The following PAH variants were observed in gnomAD, a reference collection of about 807,000 sequenced individuals.
PAH encodes phenylalanine hydroxylase.
Under a neutral mutation model 62.0 loss-of-function variants are expected in PAH, and 64 were observed. The observed-to-expected ratio is 1.03, with a 90% CI of 0.84 to 1.27. The LOEUF (loss-of-function observed/expected upper bound fraction) is 1.27. Among genes scored for constraint, PAH ranks in the 50% most tolerant of loss-of-function variants. The pLI is 0.00. For missense variants in PAH, 579 were observed against 542.8 expected, an observed-to-expected ratio of 1.07 and a Z score of -0.66; for synonymous variants, 195 against 196.2, an observed-to-expected ratio of 0.99 and a Z score of 0.05.
At chr12:102,930,572 A>T (rs1024469467) in intron 1 of PAH, among the ~76,000 whole-genome samples, 1 of 152,144 alleles carries the variant, frequency 6.6e-6, no homozygotes, top group Non-Finnish European at 1.5e-5. Context: ...TTTTGCACTG[A>T]CTTTTATAAG....
chr12:102,849,186 T>C (rs2136642260), intron 8 of PAH, among the ~76,000 whole-genome samples: 1 of 152,228 alleles, frequency 6.6e-6, no homozygotes, highest in African/African-American at 2.4e-5. Context: ...TTCTGAAAGA[T>C]TGGCTGTGGG....
At chr12:102,955,058 C>T (rs369808904), upstream of PAH, among the ~76,000 whole-genome samples, 17 of 152,156 alleles carry the variant, frequency 1.1e-4, no homozygotes, top group Non-Finnish European at 2.2e-4. Context: ...AATGTTCTGG[C>T]GGTTTTGGCC....
intron 2 of PAH, among the ~76,000 whole-genome samples, chr12:102,898,604 T>G (rs956638311): frequency 2.0e-5 from 3 of 152,244 alleles, no homozygotes; most frequent in Non-Finnish European, 4.4e-5. Context: ...CTTTTCATAC[T>G]TAAGTAACAC....
chr12:102,931,130 C>G (rs1300735675), intron 1 of PAH, among the ~76,000 whole-genome samples: 1 of 152,066 alleles, frequency 6.6e-6, no homozygotes, highest in African/African-American at 2.4e-5. Flanking sequence ...ATTTTGCCAG[C>G]CTTCAATAAG....
chr12:102,868,307 C>T (rs1316671103), intron 4 of PAH, among the ~76,000 whole-genome samples: 3 of 150,672 alleles, frequency 2.0e-5, no homozygotes, highest in African/African-American at 7.3e-5. Context: ...GAAAAAACTA[C>T]AGACACTTGT....
chr12:102,904,739 A>G (rs1522307), intron 2 of PAH: 189,645 of 505,486 alleles, frequency 0.38, 40,214 homozygotes, highest in African/African-American at 0.69. Context: ...TAAAGGTCTC[A>G]TCCGTATTTT....
chr12:102,949,382 T>C (rs1320220954), intron 1 of PAH, among the ~76,000 whole-genome samples: 1 of 152,178 alleles, frequency 6.6e-6, no homozygotes, highest in Non-Finnish European at 1.5e-5. Flanking sequence ...AGTTCGTCTA[T>C]TCAAAGAGAG....
chr12:102,906,130 T>C (rs1422810068), intron 2 of PAH, among the ~76,000 whole-genome samples: 1 of 152,202 alleles, frequency 6.6e-6, no homozygotes, highest in East Asian at 1.9e-4. Context: ...ATCTCACTAA[T>C]AGTCAGAAAA....
chr12:102,938,491 G>A, intron 1 of PAH, among the ~76,000 whole-genome samples: 1 of 152,108 alleles, frequency 6.6e-6, no homozygotes, highest in South Asian at 2.1e-4. Flanking sequence ...CCCAGGATAG[G>A]GTTTGTGTCC....
Position 102,837,447 on chromosome 12 carries a change from G to A in PAH, c.*1728C>T, listed in dbSNP as rs1387506472. On this transcript the variant is annotated 3_prime_UTR_variant, in exon 13 of 13. Transcript: ENST00000553106. ...AATCCCTTTGCAGGGATTGTTTGGT[G>A]TTTAGAGTAAAAGCAGAGAAAAAAG... 2.0e-5 allele frequency: 3 copies of A among 152,242 alleles called. No homozygotes were observed. The East Asian group carries it at 5.8e-4, about 29-fold the overall frequency. The allele number at this position is 152,242 out of a possible 1,614,324, so 9.4% of individuals were successfully genotyped here. A position where few individuals can be genotyped will look rare whatever the true frequency, so the allele number is the denominator to read the frequency against.
chr12:102,876,200 C>T (rs1460467593), intron 4 of PAH, among the ~76,000 whole-genome samples: 1 of 152,064 alleles, frequency 6.6e-6, no homozygotes, highest in African/African-American at 2.4e-5. Flanking sequence ...CCTCATGCCC[C>T]TCTGTGTTTT....
chr12:102,939,347 T>G (rs1879213496), intron 1 of PAH, among the ~76,000 whole-genome samples: 1 of 152,080 alleles, frequency 6.6e-6, no homozygotes, highest in Non-Finnish European at 1.5e-5. Context: ...GGCCAGACTG[T>G]CTTCCCCCAG....
chr12:102,940,727 G>A (rs114005259), intron 1 of PAH, among the ~76,000 whole-genome samples: 2 of 152,192 alleles, frequency 1.3e-5, no homozygotes, highest in East Asian at 1.9e-4. Flanking sequence ...GGAAGAGAGA[G>A]CAAGCAACTT....
At chr12:102,888,405 G>A (rs1877127328) in intron 3 of PAH, among the ~76,000 whole-genome samples, 1 of 151,788 alleles carries the variant, frequency 6.6e-6, no homozygotes, top group African/African-American at 2.4e-5. Flanking sequence ...TTGTTGCAAA[G>A]CTTAAATGAG....
intron 4 of PAH, among the ~76,000 whole-genome samples, chr12:102,871,957 T>A (rs1445467688): frequency 0.15 from 4,866 of 31,820 alleles, 142 homozygotes; most frequent in Middle Eastern, 0.2. Flanking sequence ...AAAATATATA[T>A]ATATATATAT....
At chr12:102,854,957 G>A in intron 6 of PAH, 179 bp downstream of exon 6, 1 of 683,154 alleles carries the variant, frequency 1.5e-6, no homozygotes, top group South Asian at 1.6e-5. Flanking sequence ...CACAGTAGGG[G>A]CTGGAGGGAA....
exon 1 of PAH, chr12:102,958,223 G>T (rs2136784810): frequency 6.9e-7 from 1 of 1,457,716 alleles, no homozygotes. Flanking sequence ...CTGATTCCGC[G>T]ACTCCTTGGC....
At chr12:102,896,999 T>G (rs148459347) in intron 2 of PAH, among the ~76,000 whole-genome samples, 66 of 152,330 alleles carry the variant, frequency 4.3e-4, no homozygotes, top group African/African-American at 1.6e-3. Context: ...ACCCTAGTGA[T>G]GGGTATGTTG....
chr12:102,947,747 G>A (rs1280037214), intron 1 of PAH, among the ~76,000 whole-genome samples: 2 of 152,066 alleles, frequency 1.3e-5, no homozygotes, highest in Non-Finnish European at 2.9e-5. Flanking sequence ...TATTAGTCTG[G>A]GTTCTCCAGA....
Sources: allele counts gnomAD v4.1 joint callset (sites outside exome capture counted in the v4.1 genomes callset), GRCh38; gene constraint gnomAD v4.1.1; transcripts MANE v1.5; gene names NCBI Gene and HGNC (gene_info 2026-07-23, HGNC 2026-07-21).